The following PGR variants were observed in gnomAD, a reference collection of about 807,000 sequenced individuals.
PGR encodes nuclear receptor subfamily 3 group C member 3.
In PGR, 25 loss-of-function variants were observed where a neutral mutation model predicts 76.1. The observed-to-expected ratio is 0.33, with a 90% CI of 0.24 to 0.46. PGR has a LOEUF of 0.46. Among genes scored for constraint, PGR ranks in the 20% least tolerant of loss-of-function variants. The pLI, the probability that PGR is intolerant of heterozygous loss-of-function variation, is 1.00. For synonymous variants in PGR, 579 were observed against 535.0 expected (o/e 1.08, Z -1.14); for missense variants, 1,172 against 1,225.3 (o/e 0.96, Z 0.65).
intron 2 of PGR, among the ~76,000 whole-genome samples, chr11:101,113,264 T>C (rs1862397808): frequency 6.6e-6 from 1 of 152,040 alleles, no homozygotes; most frequent in Admixed American, 6.5e-5. Context: ...TTCTGCTAAA[T>C]ATCTTCTTTT....
intron 6 of PGR, among the ~76,000 whole-genome samples, chr11:101,048,610 T>C (rs936487575): frequency 2.0e-5 from 3 of 152,078 alleles, no homozygotes; most frequent in Admixed American, 6.6e-5. Context: ...AAGATACGAA[T>C]GGGACACTTG....
At chr11:101,102,017 G>A (rs988414502) in intron 2 of PGR, among the ~76,000 whole-genome samples, 17 of 152,114 alleles carry the variant, frequency 1.1e-4, no homozygotes, top group Middle Eastern at 3.4e-3. Flanking sequence ...TTATGTGGGG[G>A]AAAAATCAGA....
chr11:101,099,606 C>T (rs1861936174), intron 2 of PGR, among the ~76,000 whole-genome samples: 1 of 152,156 alleles, frequency 6.6e-6, no homozygotes, highest in African/African-American at 2.4e-5. Flanking sequence ...GTATTGTGAT[C>T]CAACAGAATC....
chr11:101,125,832 C>T (rs1363151530), intron 2 of PGR, among the ~76,000 whole-genome samples, 175 bp downstream of exon 2: 2 of 152,078 alleles, frequency 1.3e-5, no homozygotes, highest in Non-Finnish European at 2.9e-5. Context: ...AACCACATTC[C>T]ATTTTGAGTA....
At chr11:101,077,386 C>T (rs1415333635) in intron 3 of PGR, among the ~76,000 whole-genome samples, 1 of 152,104 alleles carries the variant, frequency 6.6e-6, no homozygotes. Context: ...ACACAGTGTG[C>T]CTTTGTATAT....
At position 101,037,551 on chromosome 11, in the gene PGR, T is replaced by A; in HGVS notation, c.*1565A>T. ...GTGGAATTTTGCTTAGGGAGAGAAA[T>A]AATATTCCATTCATTCAGTTTAAAA... On this transcript the variant is annotated 3_prime_UTR_variant, in exon 8 of 8. Coordinates refer to ENST00000325455, the MANE Select transcript of PGR (RefSeq NM_000926.4). 4.4e-6 allele frequency: 1 copy of A among 228,224 alleles called. No homozygotes were observed. Among genetic ancestry groups the A allele is most frequent in the Non-Finnish European group, 8.7e-6 (1 of 114,902 alleles). 14.1% of individuals were successfully genotyped at this position (228,224 alleles called of 1,614,324 possible). A position where few individuals can be genotyped will look rare whatever the true frequency, so the allele number is the denominator to read the frequency against.
intron 4 of PGR, among the ~76,000 whole-genome samples, chr11:101,057,071 T>C (rs1176470638): frequency 6.6e-6 from 1 of 152,212 alleles, no homozygotes; most frequent in African/African-American, 2.4e-5. Flanking sequence ...TGTTTCTGCC[T>C]TTAACACTAT....
Position 101,034,034 on chromosome 11 carries a change from G to GTTAA in PGR, c.*5078_*5081dup. ...CAGGACACTAATGCCACACTGCAGA[G>GTTAA]TTAATAATCTGTGCATTTTCTTTAC... On this transcript the variant is annotated 3_prime_UTR_variant, in exon 8 of 8. Coordinates refer to ENST00000325455, the MANE Select transcript of PGR (RefSeq NM_000926.4). The GTTAA allele has an allele frequency of 4.3e-6, 1 of 231,038 alleles. No homozygotes were observed. The highest frequency in any genetic ancestry group is 2.2e-5 in the African/African-American group (1 of 45,346). The allele number at this position is 231,038 out of a possible 1,614,324, so 14.3% of individuals were successfully genotyped here.
rs1166495257 is a variant in PGR at position 101,033,945 on chromosome 11, T to C, written c.*5171A>G. 8.9e-6 allele frequency: 2 copies of C among 224,450 alleles called. No homozygotes were observed. Among genetic ancestry groups the C allele is most frequent in the Admixed American group, 1.1e-4 (2 of 17,472 alleles). 13.9% of individuals were successfully genotyped at this position (224,450 alleles called of 1,614,324 possible). A position where few individuals can be genotyped will look rare whatever the true frequency, so the allele number is the denominator to read the frequency against. On this transcript the variant is annotated 3_prime_UTR_variant, in exon 8 of 8. Transcript: ENST00000325455. ...AAGATAATAAAAATAAGCTATAGCA[T>C]ATGTCCTGAAAACTATTTACAATAC...
chr11:101,112,396 C>T (rs980995148), intron 2 of PGR, among the ~76,000 whole-genome samples: 1 of 152,024 alleles, frequency 6.6e-6, no homozygotes, highest in Non-Finnish European at 1.5e-5. Flanking sequence ...GTCCTTGAGT[C>T]AGCAGGAGTA....
intron 3 of PGR, among the ~76,000 whole-genome samples, chr11:101,068,832 T>A (rs1473157220): frequency 6.6e-6 from 1 of 151,924 alleles, no homozygotes; most frequent in African/African-American, 2.4e-5. Flanking sequence ...AAACTGAAAG[T>A]GGACCCCTTC....
intron 2 of PGR, among the ~76,000 whole-genome samples, chr11:101,110,295 G>A (rs73573625): frequency 3.7e-4 from 56 of 152,270 alleles, no homozygotes; most frequent in Admixed American, 1.0e-3. Flanking sequence ...TTTAGAAAGC[G>A]TTCATCATTT....
At chr11:101,056,898 T>C (rs1860315885) in intron 4 of PGR, among the ~76,000 whole-genome samples, 1 of 152,172 alleles carries the variant, frequency 6.6e-6, no homozygotes, top group Admixed American at 6.5e-5. Context: ...CACCAACGTA[T>C]GTTTGATGAT....
At chr11:101,127,271 A>G (rs1763308225) in intron 1 of PGR, among the ~76,000 whole-genome samples, 163 bp downstream of exon 1, 1 of 152,156 alleles carries the variant, frequency 6.6e-6, no homozygotes, top group African/African-American at 2.4e-5. Flanking sequence ...GGGAAGAAGA[A>G]GGGAGGCAAC....
chr11:101,069,967 A>G (rs1860863490), intron 3 of PGR, among the ~76,000 whole-genome samples: 1 of 151,922 alleles, frequency 6.6e-6, no homozygotes, highest in Admixed American at 6.6e-5. Flanking sequence ...ACAAACCTGC[A>G]TATTCTGTAC....
chr11:101,049,900 C>T (rs779739368), intron 6 of PGR, 29 bp downstream of exon 6: 1 of 1,584,008 alleles, frequency 6.3e-7, no homozygotes, highest in South Asian at 1.1e-5. Flanking sequence ...AACTAGATAT[C>T]TTGCATTAAG....
chr11:101,078,988 G>T (rs186047444), intron 3 of PGR, among the ~76,000 whole-genome samples: 78 of 152,224 alleles, frequency 5.1e-4, no homozygotes, highest in Non-Finnish European at 7.1e-4. Flanking sequence ...TGCATTAACA[G>T]TCAACTCATT....
Position 101,128,869 on chromosome 11 carries a change from C to G in PGR, c.202G>C (p.Asp68His). 1 of 1,614,142 alleles carries G rather than the reference C, an allele frequency of 6.2e-7. No individual in the cohort carries two copies. The stretch of plus-strand genomic sequence containing the variant: ...TCCTGCGTCTTTTCGTCGGAGGGGT[C>G]CTGTCCCTGGCAGGGCCGAGGGAAG... ...LLFPRPCQGQ[D>H]PSDEKTQDQQ... Residue 68 changes from aspartate (D) to histidine (H), a missense_variant, in exon 1 of 8, where the codon GAC becomes CAC. Asp to His is a moderately conservative substitution (Grantham distance 81). Around this residue, in one of 4 missense-constraint regions of PGR, gnomAD observed 893 missense variants for 785.9 expected, o/e 1.14. Coordinates refer to ENST00000325455, the MANE Select transcript of PGR (RefSeq NM_000926.4).
chr11:101,084,682 G>A (rs1861432548), intron 3 of PGR, among the ~76,000 whole-genome samples: 1 of 151,494 alleles, frequency 6.6e-6, no homozygotes, highest in African/African-American at 2.4e-5. Context: ...TCACAGAGTG[G>A]CAAACCAGCT....
Sources: allele counts gnomAD v4.1 joint callset (sites outside exome capture counted in the v4.1 genomes callset), GRCh38; gene constraint gnomAD v4.1.1; regional missense constraint gnomAD v4.1.1; transcripts MANE v1.5; gene names NCBI Gene and HGNC (gene_info 2026-07-23, HGNC 2026-07-21).